The following STAT4 variants were observed in gnomAD, a reference collection of about 807,000 sequenced individuals.
STAT4 encodes the protein signal transducer and activator of transcription 4.
STAT4 carries 42 observed loss-of-function variants against 110.5 expected under a neutral mutation model. The ratio of observed to expected loss-of-function variants is 0.38; its 90% CI spans 0.30 to 0.49. The LOEUF is 0.49. Ranked by LOEUF, STAT4 falls within the 20% of genes least tolerant of loss-of-function variation. The pLI is 0.95. For synonymous variants in STAT4, 284 were observed against 302.2 expected, an observed-to-expected ratio of 0.94 and a Z score of 0.63; for missense variants, 632 against 887.9, an observed-to-expected ratio of 0.71 and a Z score of 3.66.
chr2:191,076,068 G>T, intron 4 of STAT4, 159 bp downstream of exon 4: 1 of 594,200 alleles, frequency 1.7e-6, no homozygotes, highest in Non-Finnish European at 3.0e-6. Context: ...TGGCCAGACT[G>T]GTCTCAAACT....
chr2:191,065,496 T>G (rs932195664), intron 7 of STAT4, among the ~76,000 whole-genome samples: 10 of 152,192 alleles, frequency 6.6e-5, no homozygotes, highest in Non-Finnish European at 1.3e-4. Context: ...AACAAAGTAT[T>G]TAATCTTGCT....
rs928259482 is a variant in STAT4 at position 191,142,105 on chromosome 2, A to G, written c.273+4508T>C. ...AAAGGAAAAAAAATTAGAATATAAAAGAGATGCCTGCACTTGCATGTTTAT... is the reference window on the plus strand; with the variant it reads ...AAAGGAAAAAAAATTAGAATATAAAGGAGATGCCTGCACTTGCATGTTTAT... On this transcript the variant is annotated intron_variant, in intron 3 of 23. Coordinates refer to ENST00000392320, the MANE Select transcript of STAT4 (RefSeq NM_003151.4). This position sits in a 1 kb window ranked among gnomAD's most constrained non-coding sequence, Gnocchi z 4.1. Among the ~76,000 whole-genome samples the G allele has an allele frequency of 5.9e-5, 9 of 152,170 alleles. No individual in the cohort carries two copies. Among genetic ancestry groups the G allele is most frequent in the African/African-American group, 2.2e-4 (9 of 41,448 alleles).
chr2:191,105,277 A>C (rs1559069207), intron 3 of STAT4, among the ~76,000 whole-genome samples: 2 of 152,158 alleles, frequency 1.3e-5, no homozygotes, highest in Non-Finnish European at 2.9e-5. Context: ...GTTGAAATCC[A>C]AGATGAATCA....
At chr2:191,073,052 G>A (rs754011559) in intron 5 of STAT4, 46 bp downstream of exon 5, 7 of 1,521,068 alleles carry the variant, frequency 4.6e-6, no homozygotes, top group Non-Finnish European at 5.5e-6. Flanking sequence ...ATAGTTATAT[G>A]GGGACAGTAT....
intron 16 of STAT4, among the ~76,000 whole-genome samples, chr2:191,038,599 C>G (rs946689330): frequency 2.0e-5 from 3 of 152,010 alleles, no homozygotes; most frequent in Non-Finnish European, 2.9e-5. Context: ...TCTTTTTTGC[C>G]ACTCCCTTCC....
intron 17 of STAT4, among the ~76,000 whole-genome samples, chr2:191,034,837 G>A (rs941461370): frequency 1.3e-5 from 2 of 152,162 alleles, no homozygotes; most frequent in African/African-American, 4.8e-5. Context: ...TAGAAAGCAG[G>A]TGGGTATCTA....
Position 191,066,369 on chromosome 2 carries a change from G to A in STAT4, c.630+61C>T. 7.1e-7 allele frequency: 1 copy of A among 1,412,686 alleles called. No individual in the cohort carries two copies. Among genetic ancestry groups the A allele is most frequent in the Non-Finnish European group, 1.0e-6 (1 of 1,004,950 alleles). The allele number at this position is 1,412,686 out of a possible 1,614,324, so 87.5% of individuals were successfully genotyped here. A position where few individuals can be genotyped will look rare whatever the true frequency, so the allele number is the denominator to read the frequency against. On this transcript the variant is annotated intron_variant, in intron 7 of 23. Coordinates refer to ENST00000392320, the MANE Select transcript of STAT4 (RefSeq NM_003151.4). The surrounding 1 kb of genome is among the most constrained non-coding windows in gnomAD (Gnocchi z 4.3). ...CTGACAGCTTGATTATTTTCAGTTA[G>A]TCTAAGTTTAGAAAAAAGGAGAAAA... is the stretch of plus-strand genomic sequence containing the variant.
intron 6 of STAT4, 22 bp downstream of exon 6, chr2:191,069,671 T>C (rs1424531033): frequency 6.3e-7 from 1 of 1,588,954 alleles, no homozygotes; most frequent in South Asian, 1.1e-5. Flanking sequence ...TATGCATAAT[T>C]ATAGAAAAAA....
chr2:191,126,523 C>A (rs1341005937), intron 3 of STAT4, among the ~76,000 whole-genome samples: 1 of 152,222 alleles, frequency 6.6e-6, no homozygotes, highest in Non-Finnish European at 1.5e-5. Context: ...TTCATGTCGT[C>A]TTTCTCTACC....
chr2:191,149,565 A>G (rs1250096995), intron 1 of STAT4, among the ~76,000 whole-genome samples: 1 of 152,218 alleles, frequency 6.6e-6, no homozygotes, highest in African/African-American at 2.4e-5. Context: ...TAGTATGTCA[A>G]CTTTAAAAAG....
chr2:191,096,010 A>C (rs1697967961), intron 3 of STAT4, among the ~76,000 whole-genome samples: 1 of 152,254 alleles, frequency 6.6e-6, no homozygotes, highest in African/African-American at 2.4e-5. Context: ...AATGAACTAG[A>C]AAATCTAGAA....
rs903151113 is a variant in STAT4 at position 191,066,960 on chromosome 2, C to T, written c.545-445G>A. 3.3e-5 allele frequency among the ~76,000 whole-genome samples: 5 copies of T among 152,006 alleles called. No homozygotes were observed. Among genetic ancestry groups the T allele is most frequent in the African/African-American group, 1.2e-4 (5 of 41,376 alleles). ...ACCCCTCCCTGCTCTGCTTCATATG[C>T]AGGTTTTATGAGAAACTGCCTGATA... On this transcript the variant is annotated intron_variant, in intron 6 of 23. Transcript: ENST00000392320. The surrounding 1 kb of genome is among the most constrained non-coding windows in gnomAD (Gnocchi z 4.3).
At chr2:191,069,544 A>C in intron 6 of STAT4, 149 bp downstream of exon 6, 1 of 627,562 alleles carries the variant, frequency 1.6e-6, no homozygotes, top group Admixed American at 3.1e-5. Flanking sequence ...TGCAGAGATA[A>C]GGAAGAAGCA....
rs748161543 is a variant in STAT4, at chr2:191,030,144, T to C, written c.2221-278A>G. ...AATGGGTGCAAAATGTAGCAAATGT[T>C]CAGTTAGACATAAATAACTTGACGA... On this transcript the variant is annotated intron_variant, in intron 23 of 23. Coordinates refer to ENST00000392320, the MANE Select transcript of STAT4 (RefSeq NM_003151.4). The surrounding 1 kb of genome is among the most constrained non-coding windows in gnomAD (Gnocchi z 4.4). Among the ~76,000 whole-genome samples the C allele has an allele frequency of 1.6e-4, 24 of 152,214 alleles. No homozygotes were observed. The highest frequency in any genetic ancestry group is 2.5e-4 in the Non-Finnish European group (17 of 68,034).
At chr2:191,038,405 T>C (rs1696101561) in intron 16 of STAT4, among the ~76,000 whole-genome samples, 1 of 152,212 alleles carries the variant, frequency 6.6e-6, no homozygotes, top group Non-Finnish European at 1.5e-5. Context: ...GCTGATTCAT[T>C]ATGATCTTGT....
chr2:191,046,861 T>A lies in STAT4; in HGVS notation c.1252-5713A>T, dbSNP rs1445943671. 6.6e-6 allele frequency among the ~76,000 whole-genome samples: 1 copy of A among 152,064 alleles called. No individual in the cohort carries two copies. Among genetic ancestry groups the A allele is most frequent in the African/African-American group, 2.4e-5 (1 of 41,392 alleles). ...GTGATAGGATTGTCTGACACAGAGC[T>A]CCTAAATTCCTGGAATTTTCTGGCA... On this transcript the variant is annotated intron_variant, in intron 14 of 23. Transcript: ENST00000392320. The surrounding 1 kb of genome is among the most constrained non-coding windows in gnomAD (Gnocchi z 4.6).
chr2:191,053,706 CA>C lies in STAT4; in HGVS notation c.1251+783del, dbSNP rs1196616586. ...TCATATATGTGAGAAAATGAGTGAA[CA>C]AAAATGAAGAATGACAAAGATATTT... On this transcript the variant is annotated intron_variant, in intron 14 of 23. Transcript: ENST00000392320. The surrounding 1 kb of genome is among the most constrained non-coding windows in gnomAD (Gnocchi z 4.5). Among the ~76,000 whole-genome samples the C allele has an allele frequency of 4.6e-5, 7 of 152,018 alleles. No homozygotes were observed. Among genetic ancestry groups the C allele is most frequent in the Non-Finnish European group, 8.8e-5 (6 of 68,004 alleles).
chr2:191,122,935 AG>A (rs1698779109), intron 3 of STAT4, among the ~76,000 whole-genome samples: 1 of 152,228 alleles, frequency 6.6e-6, no homozygotes, highest in South Asian at 2.1e-4. Context: ...AAATTCATTG[AG>A]CTATACAATT....
intron 3 of STAT4, among the ~76,000 whole-genome samples, chr2:191,114,969 C>T (rs371199953): frequency 2.8e-4 from 42 of 152,212 alleles, no homozygotes; most frequent in African/African-American, 8.7e-4. Flanking sequence ...TGTACTGAAT[C>T]GCATATTAGT....
Sources: allele counts gnomAD v4.1 joint callset (sites outside exome capture counted in the v4.1 genomes callset), GRCh38; gene constraint gnomAD v4.1.1; non-coding constraint Gnocchi (gnomAD v3.1); transcripts MANE v1.5; gene names NCBI Gene and HGNC (gene_info 2026-07-23, HGNC 2026-07-21).